Variants in POLA1 observed in about 807,000 individuals in gnomAD.
The protein encoded by POLA1 is DNA polymerase alpha catalytic subunit.
A neutral mutation model predicts 124.0 loss-of-function variants in POLA1; 15 were observed. The observed-to-expected ratio is 0.12, with a 90% CI of 0.08 to 0.19. The LOEUF (loss-of-function observed/expected upper bound fraction) is 0.19, where lower values mean the gene tolerates loss of function less well. Among genes scored for constraint, POLA1 ranks in the 10% least tolerant of loss-of-function variants. The pLI is 1.00. For missense variants in POLA1, 886 were observed against 1,103.4 expected (o/e 0.80, Z 2.79); for synonymous variants, 408 against 389.4 (o/e 1.05, Z -0.56).
intron 32 of POLA1, among the ~76,000 whole-genome samples, chrX:24,835,460 G>T (rs1166093705): frequency 9.0e-6 from 1 of 111,487 alleles, no homozygotes; most frequent in Non-Finnish European, 1.9e-5. Flanking sequence ...TTTCCAACAA[G>T]TGTTTATATT....
chrX:24,726,857 A>G (rs1930569763), intron 13 of POLA1, 76 bp from the exon 14 acceptor site: 5 of 799,541 alleles, frequency 6.3e-6, no homozygotes, highest in Non-Finnish European at 7.0e-6. Flanking sequence ...GCTTTTGTTT[A>G]TTTCAAATAT....
intron 26 of POLA1, among the ~76,000 whole-genome samples, chrX:24,803,743 A>T (rs1266412211): frequency 9.1e-6 from 1 of 109,739 alleles, no homozygotes; most frequent in African/African-American, 3.3e-5. Flanking sequence ...AAACCAACCA[A>T]ATATAATGAA....
chrX:24,995,687 G>T lies in POLA1; in HGVS notation c.4262-118G>T, dbSNP rs2048597536. On this transcript the variant is annotated intron_variant, in intron 36 of 36. Transcript: ENST00000379068. ...CTGCATCTGACTGGCCCCAGGGGTA[G>T]ACCAGAGATAAGATGGTGGAGATAC... The T allele has an allele frequency of 9.4e-6, 6 of 637,552 alleles. No homozygotes were observed. The East Asian group carries it at 2.1e-4, about 22-fold the overall frequency. 52.5% of individuals were successfully genotyped at this position (637,552 alleles called of 1,213,427 possible).
At chrX:24,878,896 C>A (rs1309337454) in intron 34 of POLA1, among the ~76,000 whole-genome samples, 1 of 110,803 alleles carries the variant, frequency 9.0e-6, no homozygotes, top group Non-Finnish European at 1.9e-5. Flanking sequence ...ATATTGCAAG[C>A]TCTTGGCAAA....
At chrX:24,878,266 A>G (rs2046960570) in intron 34 of POLA1, among the ~76,000 whole-genome samples, 1 of 111,754 alleles carries the variant, frequency 8.9e-6, no homozygotes, top group African/African-American at 3.3e-5. Flanking sequence ...GTTCAGTTTT[A>G]ACATTTGTCG....
At chrX:24,734,540 T>A (rs1263810611) in intron 17 of POLA1, among the ~76,000 whole-genome samples, 1 of 111,725 alleles carries the variant, frequency 9.0e-6, no homozygotes, top group African/African-American at 3.3e-5. Flanking sequence ...GGAGGTACTG[T>A]TAGATTAGGC....
chrX:24,952,996 A>C (rs757424415), intron 36 of POLA1, among the ~76,000 whole-genome samples: 5 of 112,412 alleles, frequency 4.4e-5, no homozygotes, highest in African/African-American at 1.6e-4. Context: ...ATAAACATCA[A>C]ATCCTTTACT....
Position 24,843,624 on chromosome X carries a change from C to T in POLA1, c.3994C>T (p.Leu1332=), listed in dbSNP as rs368309852. 7 of 1,183,119 alleles carry T rather than the reference C, an allele frequency of 5.9e-6. No individual in the cohort carries two copies. The highest frequency in any genetic ancestry group is 6.9e-6 in the Non-Finnish European group (6 of 873,062). ...KASPLTFTVQ[L]SNKLIMDIRR... is the part of the protein sequence containing the mutation. ...TTCACCTCTGACCTTTACAGTACAA[C>T]TGAGCAACAAATTGATCATGGACAT... Residue 1332 remains leucine, a synonymous_variant, in exon 34 of 37, where the codon CTG becomes TTG. Transcript: ENST00000379068.
intron 34 of POLA1, among the ~76,000 whole-genome samples, chrX:24,874,498 T>C (rs754275147): frequency 3.6e-5 from 4 of 111,725 alleles, no homozygotes; most frequent in African/African-American, 1.3e-4. Context: ...AAAGAGTAAA[T>C]GTAGAAAGAG....
At chrX:24,810,367 G>C (rs2045878124) in intron 27 of POLA1, among the ~76,000 whole-genome samples, 1 of 111,541 alleles carries the variant, frequency 9.0e-6, no homozygotes, top group Non-Finnish European at 1.9e-5. Flanking sequence ...ATGTGGTACA[G>C]TGGATAAATA....
chrX:24,888,243 C>T, intron 35 of POLA1, 121 bp downstream of exon 35: 1 of 410,497 alleles, frequency 2.4e-6, no homozygotes, highest in Middle Eastern at 5.3e-4. Context: ...ATATACTAAT[C>T]TTATTTTTAA....
intron 36 of POLA1, among the ~76,000 whole-genome samples, chrX:24,980,008 A>AT (rs973809445): frequency 4.5e-5 from 5 of 111,230 alleles, no homozygotes; most frequent in Non-Finnish European, 9.4e-5. Flanking sequence ...TGGACCATGT[A>AT]TTTTTTCCTT....
intron 36 of POLA1, among the ~76,000 whole-genome samples, chrX:24,940,928 T>G (rs926113844): frequency 3.6e-5 from 4 of 112,235 alleles, no homozygotes; most frequent in African/African-American, 1.3e-4. Context: ...CAGAATTGTT[T>G]CATGGTCTCA....
intron 10 of POLA1, among the ~76,000 whole-genome samples, chrX:24,719,117 T>C (rs781357287): frequency 1.5e-4 from 17 of 111,450 alleles, no homozygotes; most frequent in Non-Finnish European, 3.0e-4. Flanking sequence ...GGATCTGTGG[T>C]ACATGCAAAT....
At chrX:24,925,240 T>G (rs2047674178) in intron 35 of POLA1, among the ~76,000 whole-genome samples, 1 of 111,935 alleles carries the variant, frequency 8.9e-6, no homozygotes, top group Non-Finnish European at 1.9e-5. Flanking sequence ...CCTTCATGAT[T>G]TGATATTTTT....
At position 24,717,314 on chromosome X, in the gene POLA1, C is replaced by T; in HGVS notation, c.731C>T (p.Thr244Ile). ...FAGDDVQVESTEEEQESGAME... is the reference protein window; with the variant it reads ...FAGDDVQVESIEEEQESGAME... ...GGCGATGATGTACAGGTCGAGAGTACAGAAGAAGAGCAGGAGTCAGGGGCA... is the reference window on the plus strand; with the variant it reads ...GGCGATGATGTACAGGTCGAGAGTATAGAAGAAGAGCAGGAGTCAGGGGCA... Residue 244 changes from threonine (T) to isoleucine (I), a missense_variant, in exon 9 of 37, where the codon ACA (threonine) becomes ATA (isoleucine). Thr to Ile is a moderately conservative substitution (Grantham distance 89, BLOSUM62 -1). Transcript: ENST00000379068. 1.7e-5 allele frequency: 21 copies of T among 1,209,376 alleles called. No homozygotes were observed. Among genetic ancestry groups the T allele is most frequent in the Non-Finnish European group, 2.2e-5 (20 of 893,772 alleles).
chrX:24,708,372 CTT>C (rs397799733), intron 4 of POLA1, among the ~76,000 whole-genome samples: 76 of 80,018 alleles, frequency 9.5e-4, no homozygotes, highest in African/African-American at 3.0e-3. Context: ...CATGAAAATA[CTT>C]TTTTTTTTTT....
At chrX:24,901,877 A>G (rs991362432) in intron 35 of POLA1, among the ~76,000 whole-genome samples, 2 of 111,995 alleles carry the variant, frequency 1.8e-5, no homozygotes, top group African/African-American at 6.5e-5. Context: ...CATATAGCAT[A>G]GCAGTATCCT....
chrX:24,873,882 T>C (rs1404247930), intron 34 of POLA1, among the ~76,000 whole-genome samples: 1 of 112,038 alleles, frequency 8.9e-6, no homozygotes, highest in Non-Finnish European at 1.9e-5. Context: ...CTAAACTATT[T>C]TATAGTCTCC....
Sources: gnomAD v4.1 joint callset for allele counts (sites outside exome capture counted in the v4.1 genomes callset) on GRCh38, gnomAD v4.1.1 for gene constraint, MANE v1.5 for transcripts, NCBI Gene and HGNC (gene_info 2026-07-23, HGNC 2026-07-21) for gene names.